Variants in BYSL observed in about 807,000 individuals in gnomAD.
The protein encoded by BYSL is bystin.
Under a neutral mutation model 45.4 loss-of-function variants are expected in BYSL, and 21 were observed. That is an observed-to-expected ratio of 0.46 (90% CI 0.33 to 0.67). The LOEUF is 0.67. Ranked by LOEUF, BYSL falls within the 30% of genes least tolerant of loss-of-function variation. The pLI is 0.02. For missense variants in BYSL, 522 were observed against 578.5 expected, an observed-to-expected ratio of 0.90 and a Z score of 1.00; for synonymous variants, 215 against 231.3, an observed-to-expected ratio of 0.93 and a Z score of 0.64.
At chr6:41,923,437 C>T (rs1375901681) in intron 1 of BYSL, among the ~76,000 whole-genome samples, 1 of 152,028 alleles carries the variant, frequency 6.6e-6, no homozygotes, top group Non-Finnish European at 1.5e-5. Context: ...GCTGAGATTA[C>T]AGGCGTGAGC....
the BYSL span, among the ~76,000 whole-genome samples, chr6:41,915,788 A>AC: frequency 6.7e-6 from 1 of 149,080 alleles, no homozygotes; most frequent in African/African-American, 2.5e-5. Flanking sequence ...CTCCGTCTCA[A>AC]AACACACACA....
At chr6:41,927,326 C>G (rs377141896) in intron 1 of BYSL, 48 bp from the exon 2 acceptor site, 549 of 1,603,098 alleles carry the variant, frequency 3.4e-4, no homozygotes, top group Non-Finnish European at 4.4e-4. Flanking sequence ...GACGAAATCC[C>G]TCAGCTACCT....
chr6:41,916,832 A>G, upstream of BYSL: 1 of 1,614,082 alleles, frequency 6.2e-7, no homozygotes, highest in Non-Finnish European at 8.5e-7. Flanking sequence ...CTCACAGTCC[A>G]CACAAAATGT....
At chr6:41,930,581 A>G in intron 3 of BYSL, 54 bp from the exon 4 acceptor site, 1 of 1,563,652 alleles carries the variant, frequency 6.4e-7, no homozygotes, top group South Asian at 1.2e-5. Context: ...CCTAGCCCAC[A>G]GCAAGCTTGC....
At chr6:41,929,749 G>A (rs897514887) in intron 2 of BYSL, among the ~76,000 whole-genome samples, 13 of 152,178 alleles carry the variant, frequency 8.5e-5, no homozygotes, top group Non-Finnish European at 1.5e-4. Flanking sequence ...CTTTTAAGGT[G>A]GGTACCGTTA....
chr6:41,930,405 G>T, intron 3 of BYSL, 135 bp downstream of exon 3: 1 of 1,325,532 alleles, frequency 7.5e-7, no homozygotes, highest in East Asian at 2.5e-5. Context: ...AAGAGGCAGA[G>T]TGTGTGGGTT....
chr6:41,922,232 C>T (rs1045888530), intron 1 of BYSL, among the ~76,000 whole-genome samples: 1 of 152,100 alleles, frequency 6.6e-6, no homozygotes, highest in Non-Finnish European at 1.5e-5. Flanking sequence ...TAAGTAGACT[C>T]TTAGAATAAT....
intron 1 of BYSL, among the ~76,000 whole-genome samples, 190 bp downstream of exon 1, chr6:41,922,020 C>A (rs887266559): frequency 5.9e-5 from 9 of 152,288 alleles, no homozygotes; most frequent in African/African-American, 1.9e-4. Flanking sequence ...CTTCTAGACA[C>A]CCCCGAAGTT....
chr6:41,919,692 G>A (rs992002016), upstream of BYSL, among the ~76,000 whole-genome samples: 5 of 152,156 alleles, frequency 3.3e-5, no homozygotes, highest in African/African-American at 9.7e-5. Context: ...TACTTTGGGA[G>A]ACCAAAGCAG....
chr6:41,918,018 A>C (rs1235754555), upstream of BYSL: 6 of 271,590 alleles, frequency 2.2e-5, no homozygotes, highest in Admixed American at 9.1e-5. Flanking sequence ...AACAAAACAA[A>C]AAAAAAACGT....
At chr6:41,924,378 C>CTTA (rs1355529001) in intron 1 of BYSL, among the ~76,000 whole-genome samples, 2 of 152,078 alleles carry the variant, frequency 1.3e-5, no homozygotes, top group African/African-American at 4.8e-5. Context: ...GCCCATAGTA[C>CTTA]TTATCTTTTA....
the BYSL span, among the ~76,000 whole-genome samples, chr6:41,914,387 G>A: frequency 1.3e-5 from 2 of 152,164 alleles, no homozygotes; most frequent in Non-Finnish European, 2.9e-5. Context: ...GGAAAATACA[G>A]CTTACAGGGA....
chr6:41,931,927 G>A, intron 6 of BYSL, 97 bp downstream of exon 6: 1 of 1,215,392 alleles, frequency 8.2e-7, no homozygotes, highest in Non-Finnish European at 1.2e-6. Flanking sequence ...AGGAGCTAAG[G>A]AAAGCCTTGG....
chr6:41,930,915 C>G, intron 4 of BYSL, 147 bp downstream of exon 4: 2 of 1,228,500 alleles, frequency 1.6e-6, no homozygotes, highest in Non-Finnish European at 2.2e-6. Flanking sequence ...ATTTTTCTAG[C>G]TTTTCCTGTG....
At chr6:41,909,293 G>A in the BYSL span, 11 of 1,613,868 alleles carry the variant, frequency 6.8e-6, no homozygotes, top group South Asian at 1.2e-4. Flanking sequence ...CCCGGGCACT[G>A]GGCCCCATTG....
the BYSL span, among the ~76,000 whole-genome samples, chr6:41,911,902 C>T: frequency 6.6e-6 from 1 of 152,188 alleles, no homozygotes; most frequent in East Asian, 1.9e-4. Flanking sequence ...GTTCTGTCTA[C>T]TCACTGTAAT....
chr6:41,931,127 C>CG (rs770728363), intron 4 of BYSL, among the ~76,000 whole-genome samples: 4 of 151,054 alleles, frequency 2.6e-5, no homozygotes, highest in East Asian at 1.9e-4. Flanking sequence ...GGCTACTCAA[C>CG]TGATGCTGAG....
At chr6:41,911,955 C>T in the BYSL span, among the ~76,000 whole-genome samples, 4 of 152,122 alleles carry the variant, frequency 2.6e-5, no homozygotes, top group East Asian at 7.7e-4. Flanking sequence ...AGTGTTACTG[C>T]CTTGGAAATA....
At chr6:41,915,561 G>A in the BYSL span, among the ~76,000 whole-genome samples, 5 of 152,192 alleles carry the variant, frequency 3.3e-5, no homozygotes, top group Non-Finnish European at 7.3e-5. Flanking sequence ...GCCGAGGCGG[G>A]TGGATCACAA....
Sources: gnomAD v4.1 joint callset for allele counts (sites outside exome capture counted in the v4.1 genomes callset) on GRCh38, gnomAD v4.1.1 for gene constraint, MANE v1.5 for transcripts, NCBI Gene and HGNC (gene_info 2026-07-23, HGNC 2026-07-21) for gene names.